The following ROBO2 variants were observed in gnomAD, a reference collection of about 807,000 sequenced individuals.
ROBO2 encodes the protein roundabout homolog 2.
ROBO2 carries 53 observed loss-of-function variants against 160.8 expected under a neutral mutation model. That is an observed-to-expected ratio of 0.33 (90% confidence interval 0.26 to 0.41). The LOEUF (loss-of-function observed/expected upper bound fraction) is 0.41, where lower values mean the gene tolerates loss of function less well. ROBO2 is among the 10% of genes least tolerant of loss of function. ROBO2 has a pLI of 1.00. For synonymous variants in ROBO2, 664 were observed against 611.7 expected, an observed-to-expected ratio of 1.09 and a Z score of -1.26; for missense variants, 1,577 against 1,722.4, an observed-to-expected ratio of 0.92 and a Z score of 1.49.
At chr3:77,425,304 A>C (rs71322796) in intron 2 of ROBO2, among the ~76,000 whole-genome samples, 4,753 of 152,290 alleles carry the variant, frequency 0.031, 110 homozygotes, top group South Asian at 0.085. Flanking sequence ...AATTGCTGGA[A>C]GTATGTTAAG....
intron 1 of ROBO2, among the ~76,000 whole-genome samples, chr3:75,908,540 C>T (rs1223194918): frequency 1.3e-5 from 2 of 151,950 alleles, no homozygotes; most frequent in Non-Finnish European, 2.9e-5. Flanking sequence ...TATTATGGAA[C>T]ATATAAAATA....
intron 2 of ROBO2, among the ~76,000 whole-genome samples, chr3:76,275,930 A>G (rs2107651738): frequency 6.6e-6 from 1 of 152,110 alleles, no homozygotes; most frequent in African/African-American, 2.4e-5. Context: ...GGAGGGGGGG[A>G]GCACTTTTAA....
intron 2 of ROBO2, among the ~76,000 whole-genome samples, chr3:76,246,306 G>A (rs1029869262): frequency 6.6e-6 from 1 of 152,150 alleles, no homozygotes; most frequent in African/African-American, 2.4e-5. Context: ...CAAGTGCTAG[G>A]CAAGGCACAG....
intron 2 of ROBO2, among the ~76,000 whole-genome samples, chr3:76,150,775 C>G (rs1271829620): frequency 6.6e-6 from 1 of 152,132 alleles, no homozygotes; most frequent in Non-Finnish European, 1.5e-5. Context: ...TTTCCCATTA[C>G]TCATAATCTT....
chr3:77,366,866 G>A (rs2070959739), intron 2 of ROBO2, among the ~76,000 whole-genome samples: 1 of 149,842 alleles, frequency 6.7e-6, no homozygotes, highest in Non-Finnish European at 1.5e-5. Context: ...AGTTCTTTCA[G>A]GAATTAATAG....
chr3:77,619,540 G>C (rs1333649616), intron 22 of ROBO2, among the ~76,000 whole-genome samples: 1 of 152,148 alleles, frequency 6.6e-6, no homozygotes, highest in Non-Finnish European at 1.5e-5. Context: ...CAAAGGGTGT[G>C]ACATTACACA....
At position 76,922,238 on chromosome 3, in the gene ROBO2, G is replaced by A. The variant is rs893421663; in HGVS notation, c.110-175776G>A. ...AGGCAGGAGAATGGTGTGAACCTGGGAGGCAGAGCTTGCAGTGAGCCGAGA... is the reference window on the plus strand; with the variant it reads ...AGGCAGGAGAATGGTGTGAACCTGGAAGGCAGAGCTTGCAGTGAGCCGAGA... On this transcript the variant is annotated intron_variant, in intron 2 of 26. Coordinates refer to the ROBO2 transcript ENST00000487694. Among the ~76,000 whole-genome samples, 4 of 152,104 alleles carry A rather than the reference G, an allele frequency of 2.6e-5. No individual in the cohort carries two copies. In the South Asian group the frequency reaches 8.3e-4, roughly 31 times the overall value.
chr3:77,098,201 G>C, exon 2 of ROBO2: 1 of 1,614,204 alleles, frequency 6.2e-7, no homozygotes, highest in Non-Finnish European at 8.5e-7. Flanking sequence ...CCCACAGGAT[G>C]CTTCTGCCCA....
At chr3:77,130,274 T>C (rs2075732947) in intron 2 of ROBO2, among the ~76,000 whole-genome samples, 2 of 152,192 alleles carry the variant, frequency 1.3e-5, no homozygotes, top group Admixed American at 6.5e-5. Flanking sequence ...GCACTGTACG[T>C]TCGTTAGCAG....
At chr3:76,745,206 A>G (rs1045714000) in intron 2 of ROBO2, among the ~76,000 whole-genome samples, 2 of 152,134 alleles carry the variant, frequency 1.3e-5, no homozygotes, top group Non-Finnish European at 2.9e-5. Context: ...ATATATCTCT[A>G]TATTGGTGGA....
chr3:76,402,572 G>A (rs1266760424), intron 2 of ROBO2, among the ~76,000 whole-genome samples: 1 of 151,482 alleles, frequency 6.6e-6, no homozygotes, highest in Non-Finnish European at 1.5e-5. Context: ...ATTGTCAGTA[G>A]GTTGCATTAT....
At chr3:76,716,356 G>A (rs757908511) in intron 2 of ROBO2, among the ~76,000 whole-genome samples, 26 of 152,112 alleles carry the variant, frequency 1.7e-4, no homozygotes, top group Admixed American at 1.3e-3. Context: ...AAGAAAAAAT[G>A]TATATCTTAC....
intron 2 of ROBO2, among the ~76,000 whole-genome samples, chr3:76,190,285 G>A (rs868776504): frequency 5.3e-5 from 8 of 152,160 alleles, no homozygotes; most frequent in African/African-American, 1.9e-4. Context: ...TGTTTCTGGT[G>A]TCCCTCCCGA....
intron 2 of ROBO2, among the ~76,000 whole-genome samples, chr3:77,113,584 G>C (rs1304152367): frequency 6.6e-6 from 1 of 152,178 alleles, no homozygotes; most frequent in Non-Finnish European, 1.5e-5. Flanking sequence ...TTATATGCTA[G>C]AATCTCTCTT....
chr3:77,451,077 G>A (rs560854894), intron 2 of ROBO2, among the ~76,000 whole-genome samples: 75 of 152,176 alleles, frequency 4.9e-4, no homozygotes, highest in African/African-American at 1.7e-3. Context: ...AAGTCTAAAT[G>A]CATTTGAGAA....
intron 2 of ROBO2, among the ~76,000 whole-genome samples, chr3:77,235,081 A>C (rs1031880749): frequency 6.6e-6 from 1 of 152,188 alleles, no homozygotes; most frequent in Non-Finnish European, 1.5e-5. Flanking sequence ...TGCTTTCTTT[A>C]TATCTTCTCC....
intron 8 of ROBO2, among the ~76,000 whole-genome samples, chr3:77,552,233 C>T (rs1042440196): frequency 1.2e-4 from 19 of 152,022 alleles, no homozygotes; most frequent in African/African-American, 4.6e-4. Context: ...GATATTCTGT[C>T]CAAAGCCTAT....
At chr3:76,145,660 T>A (rs924337201) in intron 2 of ROBO2, among the ~76,000 whole-genome samples, 3 of 152,068 alleles carry the variant, frequency 2.0e-5, no homozygotes, top group Non-Finnish European at 2.9e-5. Flanking sequence ...GAAATTTACT[T>A]ATGTATAACT....
In ROBO2 at chr3:77,493,333, C is replaced by G. The variant is rs1189587866; in HGVS notation, c.757C>G (p.Gln253Glu). Reference sequence around the variant, plus strand: ...TCGTTGTCAAGTCCAAGGAGATCCTCAACCAACTGTGAGGTGGAAAAAGGA... The same window carrying G: ...TCGTTGTCAAGTCCAAGGAGATCCTGAACCAACTGTGAGGTGGAAAAAGGA... The change falls in exon 5 of 26, where the codon CAA (glutamine) becomes GAA (glutamate). Residue 253 changes from glutamine to glutamate, a missense_variant. Gln to Glu is a conservative substitution (Grantham distance 29). This residue lies in a region of ROBO2 where 940 missense variants were observed against 1,135.5 expected (regional missense o/e 0.83). Coordinates refer to ENST00000461745, the Ensembl canonical transcript of ROBO2. The G allele has an allele frequency of 5.0e-6, 8 of 1,613,750 alleles. No homozygotes were observed. In the East Asian group the frequency reaches 1.6e-4, roughly 31 times the overall value.
Sources: gnomAD v4.1 joint callset for allele counts (sites outside exome capture counted in the v4.1 genomes callset) on GRCh38, gnomAD v4.1.1 for gene constraint, gnomAD v4.1.1 regional missense constraint, MANE v1.5 for transcripts, NCBI Gene and HGNC (gene_info 2026-07-23, HGNC 2026-07-21) for gene names.